DCHS2: variants seen among roughly 807,000 people sequenced by gnomAD.
DCHS2 encodes the protein protocadherin-23.
In DCHS2, 142 loss-of-function variants were observed where a neutral mutation model predicts 182.4. The observed-to-expected ratio is 0.78, with a 90% CI of 0.68 to 0.89. The LOEUF (loss-of-function observed/expected upper bound fraction) is 0.89. Ranked by LOEUF, DCHS2 falls within the 40% of genes least tolerant of loss-of-function variation. The probability of loss-of-function intolerance (pLI) is 0.00; values close to 1 mark genes in which losing one functional copy is unlikely to be tolerated. For missense variants in DCHS2, 4,319 were observed against 4,198.6 expected (o/e 1.03, Z -0.79); for synonymous variants, 1,740 against 1,663.3 (o/e 1.05, Z -1.12).
chr4:154,265,900 G>A (rs1358587568), intron 14 of DCHS2, among the ~76,000 whole-genome samples: 1 of 152,156 alleles, frequency 6.6e-6, no homozygotes, highest in Non-Finnish European at 1.5e-5. Flanking sequence ...GTTTGAAACT[G>A]TGGATGGTAC....
At chr4:154,413,860 C>A (rs767310921) in intron 1 of DCHS2, among the ~76,000 whole-genome samples, 1 of 152,214 alleles carries the variant, frequency 6.6e-6, no homozygotes, top group African/African-American at 2.4e-5. Context: ...ATGCCCTTAC[C>A]CTTACCCTTG....
rs1180208359 is a variant in DCHS2, at chr4:154,298,311, A to G, written c.6003T>C (p.Ser2001=). ...TSNTLDREAR[S]QHTFSAVARD... ...TGGCCACAGCACTAAATGTATGCTG[A>G]GATCTGGCTTCACGGTCGAGGGTGT... The change falls in exon 13 of 20, where the codon TCT becomes TCC. Residue 2001 remains serine (S), a synonymous_variant. Coordinates refer to ENST00000357232, the MANE Select transcript of DCHS2 (RefSeq NM_001358235.2). 3 of 1,614,074 alleles carry G rather than the reference A, an allele frequency of 1.9e-6. No individual in the cohort carries two copies. The highest frequency in any genetic ancestry group is 2.5e-6 in the Non-Finnish European group (3 of 1,180,024).
chr4:154,405,691 A>G (rs1732371450), intron 1 of DCHS2, among the ~76,000 whole-genome samples: 1 of 152,106 alleles, frequency 6.6e-6, no homozygotes, highest in Non-Finnish European at 1.5e-5. Flanking sequence ...TCATTCCCAC[A>G]TATTCTCTCA....
chr4:154,448,235 T>C (rs1734386438), intron 1 of DCHS2, among the ~76,000 whole-genome samples: 1 of 152,162 alleles, frequency 6.6e-6, no homozygotes, highest in Non-Finnish European at 1.5e-5. Flanking sequence ...CGCTCCTCTC[T>C]CCCTAGGTAA....
intron 1 of DCHS2, among the ~76,000 whole-genome samples, chr4:154,444,078 G>T (rs1446538496): frequency 6.6e-6 from 1 of 151,930 alleles, no homozygotes; most frequent in East Asian, 1.9e-4. Context: ...TTCTGTTTTG[G>T]GATGGACTTC....
intron 14 of DCHS2, among the ~76,000 whole-genome samples, chr4:154,264,993 G>C (rs1350253220): frequency 6.6e-6 from 1 of 152,146 alleles, no homozygotes; most frequent in Non-Finnish European, 1.5e-5. Context: ...AGAGAATATT[G>C]ATTAATGTTG....
At chr4:154,255,868 T>G (rs1732641162) in intron 15 of DCHS2, among the ~76,000 whole-genome samples, 198 bp from the exon 16 acceptor site, 1 of 152,228 alleles carries the variant, frequency 6.6e-6, no homozygotes, top group African/African-American at 2.4e-5. Context: ...AAATTCTTCA[T>G]CCAAAGAATT....
At chr4:154,359,977 A>G (rs937587917) in intron 3 of DCHS2, among the ~76,000 whole-genome samples, 5 of 151,870 alleles carry the variant, frequency 3.3e-5, no homozygotes, top group African/African-American at 1.2e-4. Flanking sequence ...CTTCATCTTT[A>G]GTGTTTTTTT....
chr4:154,344,571 A>G (rs1265796801), intron 3 of DCHS2, among the ~76,000 whole-genome samples: 1 of 152,232 alleles, frequency 6.6e-6, no homozygotes, highest in Non-Finnish European at 1.5e-5. Context: ...TGATTACACA[A>G]GTATGGGAAA....
chr4:154,372,651 T>G (rs1402561871), intron 2 of DCHS2, among the ~76,000 whole-genome samples: 1 of 152,200 alleles, frequency 6.6e-6, no homozygotes, highest in Non-Finnish European at 1.5e-5. Flanking sequence ...AAAAATTAGA[T>G]ATAAGCATGG....
At chr4:154,255,748 T>C in intron 15 of DCHS2, 78 bp from the exon 16 acceptor site, 2 of 1,454,904 alleles carry the variant, frequency 1.4e-6, no homozygotes, top group South Asian at 3.2e-5. Context: ...AGACATGCAT[T>C]AAGAAAGAAT....
At chr4:154,424,986 CT>C (rs1733263948) in intron 1 of DCHS2, among the ~76,000 whole-genome samples, 1 of 152,152 alleles carries the variant, frequency 6.6e-6, no homozygotes, top group Non-Finnish European at 1.5e-5. Context: ...TAATTAACAT[CT>C]TTTCCAAGCA....
At chr4:154,467,280 G>A (rs1227981737) in intron 1 of DCHS2, among the ~76,000 whole-genome samples, 1 of 152,082 alleles carries the variant, frequency 6.6e-6, no homozygotes, top group East Asian at 1.9e-4. Context: ...CTATACTTTG[G>A]ATAGAGTTCC....
intron 1 of DCHS2, among the ~76,000 whole-genome samples, chr4:154,438,408 G>A (rs1249779633): frequency 3.3e-5 from 5 of 152,250 alleles, no homozygotes; most frequent in Admixed American, 6.5e-5. Flanking sequence ...CCAACAGTTC[G>A]CTATTTTCAT....
At chr4:154,237,907 G>A (rs1731611201) in intron 19 of DCHS2, among the ~76,000 whole-genome samples, 3 of 152,078 alleles carry the variant, frequency 2.0e-5, no homozygotes, top group Admixed American at 6.6e-5. Flanking sequence ...AGCTTAGTGC[G>A]TTTAATGTTT....
intron 3 of DCHS2, among the ~76,000 whole-genome samples, chr4:154,357,531 T>C (rs1729931056): frequency 1.3e-5 from 2 of 152,214 alleles, no homozygotes; most frequent in Admixed American, 1.3e-4. Context: ...GTGTTATCAG[T>C]ACTGCACAAA....
chr4:154,446,695 T>C (rs1734298393), intron 1 of DCHS2, among the ~76,000 whole-genome samples: 1 of 152,052 alleles, frequency 6.6e-6, no homozygotes, highest in African/African-American at 2.4e-5. Flanking sequence ...TGACATTACA[T>C]GATGGGACCT....
intron 1 of DCHS2, among the ~76,000 whole-genome samples, chr4:154,378,534 A>AAGGAAGGAAGGAAGGG (rs1731026957): frequency 6.7e-6 from 1 of 148,640 alleles, no homozygotes; most frequent in African/African-American, 2.5e-5. Context: ...GGAAGGAAGG[A>AAGGAAGGAAGGAAGGG]AGGAAGGAAG....
At chr4:154,351,241 T>C (rs1205654452) in intron 3 of DCHS2, among the ~76,000 whole-genome samples, 1 of 152,188 alleles carries the variant, frequency 6.6e-6, no homozygotes, top group African/African-American at 2.4e-5. Flanking sequence ...ATGGTCCTTT[T>C]GTCAGGAAAA....
Sources: gnomAD v4.1 joint callset for allele counts (sites outside exome capture counted in the v4.1 genomes callset) on GRCh38, gnomAD v4.1.1 for gene constraint, MANE v1.5 for transcripts, NCBI Gene and HGNC (gene_info 2026-07-23, HGNC 2026-07-21) for gene names.